The following MSI2 variants were observed in gnomAD, a reference collection of about 807,000 sequenced individuals.
MSI2 encodes RNA-binding protein Musashi homolog 2.
A neutral mutation model predicts 45.6 loss-of-function variants in MSI2; 17 were observed. The observed-to-expected ratio is 0.37, with a 90% CI of 0.26 to 0.56. The LOEUF (loss-of-function observed/expected upper bound fraction) is 0.56. Among genes scored for constraint, MSI2 ranks in the 20% least tolerant of loss-of-function variants. MSI2 has a pLI of 0.77. For missense variants in MSI2, 293 were observed against 444.2 expected (o/e 0.66, Z 3.06); for synonymous variants, 156 against 158.2 (o/e 0.99, Z 0.11).
intron 6 of MSI2, among the ~76,000 whole-genome samples, chr17:57,484,729 T>C (rs1438024497): frequency 6.6e-6 from 1 of 152,182 alleles, no homozygotes; most frequent in African/African-American, 2.4e-5. Context: ...TTCCAGCTTC[T>C]CCAGCCCTGC....
At chr17:57,330,792 G>A (rs1376964341) in intron 5 of MSI2, among the ~76,000 whole-genome samples, 1 of 152,098 alleles carries the variant, frequency 6.6e-6, no homozygotes, top group Non-Finnish European at 1.5e-5. Context: ...CACAGCTGGG[G>A]TGGCACCCTG....
intron 7 of MSI2, among the ~76,000 whole-genome samples, chr17:57,542,113 T>C (rs12601084): frequency 0.39 from 58,848 of 151,968 alleles, 13,148 homozygotes; most frequent in East Asian, 0.73. Flanking sequence ...GTGGGCCGTG[T>C]TTTGTGTGTC....
At chr17:57,307,878 C>T (rs1383705588) in intron 5 of MSI2, among the ~76,000 whole-genome samples, 2 of 152,230 alleles carry the variant, frequency 1.3e-5, no homozygotes, top group Non-Finnish European at 1.5e-5. Context: ...CCTATCATAG[C>T]AGTTGCTTGT....
chr17:57,491,682 T>G (rs1338880758), intron 6 of MSI2, among the ~76,000 whole-genome samples: 1 of 152,148 alleles, frequency 6.6e-6, no homozygotes, highest in Non-Finnish European at 1.5e-5. Context: ...CTGCCAATGC[T>G]CACTTCCAAT....
intron 10 of MSI2, among the ~76,000 whole-genome samples, chr17:57,649,423 C>G (rs1228921348): frequency 6.7e-6 from 1 of 149,474 alleles, no homozygotes; most frequent in Non-Finnish European, 1.5e-5. Context: ...ACAACACATT[C>G]AATACACACA....
intron 6 of MSI2, among the ~76,000 whole-genome samples, chr17:57,525,338 G>T (rs957852749): frequency 1.3e-5 from 2 of 152,180 alleles, no homozygotes; most frequent in Non-Finnish European, 2.9e-5. Flanking sequence ...AGGCTGGAGT[G>T]CAGTGGTGCA....
At chr17:57,637,436 G>A (rs1397856803) in intron 10 of MSI2, among the ~76,000 whole-genome samples, 1 of 152,228 alleles carries the variant, frequency 6.6e-6, no homozygotes, top group East Asian at 1.9e-4. Context: ...TTGCAGAAAT[G>A]AATTGGAGCA....
chr17:57,512,968 C>CTTTTTTTTTT lies in MSI2; in HGVS notation c.406-16700_406-16691dup, dbSNP rs34727727. On this transcript the variant is annotated intron_variant, in intron 6 of 13. Transcript: ENST00000284073. ...ATATTGCACATGAATTAGCTTCTTCCTTTTTTTTTTTTTTTTTCCTTCTGA... is the reference window on the plus strand; with the variant it reads ...ATATTGCACATGAATTAGCTTCTTCCTTTTTTTTTTTTTTTTTTTTTTTTTTTCCTTCTGA... Among the ~76,000 whole-genome samples, 760 of 114,618 alleles carry CTTTTTTTTTT rather than the reference C, an allele frequency of 6.6e-3. 39 individuals carry two copies. The highest frequency in any genetic ancestry group is 9.0e-3 in the Non-Finnish European group (536 of 59,402). The allele number at this position is 114,618 out of a possible 152,430, so 75.2% of individuals were successfully genotyped here. A position where few individuals can be genotyped will look rare whatever the true frequency, so the allele number is the denominator to read the frequency against.
At chr17:57,311,158 G>A (rs866909477) in intron 5 of MSI2, among the ~76,000 whole-genome samples, 4 of 152,194 alleles carry the variant, frequency 2.6e-5, no homozygotes, top group Admixed American at 6.5e-5. Flanking sequence ...CCATCCCACT[G>A]GTGGCTTGTG....
intron 10 of MSI2, among the ~76,000 whole-genome samples, chr17:57,638,107 G>A (rs1341100225): frequency 2.0e-5 from 3 of 152,254 alleles, no homozygotes; most frequent in Non-Finnish European, 4.4e-5. Flanking sequence ...TAGGCAAAGA[G>A]CAGTGCCAGG....
chr17:57,478,682 G>A (rs901013994), intron 6 of MSI2, among the ~76,000 whole-genome samples: 1 of 152,178 alleles, frequency 6.6e-6, no homozygotes, highest in Admixed American at 6.5e-5. Flanking sequence ...GAATCACACA[G>A]TGGTTCTCAG....
At chr17:57,367,321 G>A (rs987784598) in intron 5 of MSI2, among the ~76,000 whole-genome samples, 1 of 152,206 alleles carries the variant, frequency 6.6e-6, no homozygotes, top group African/African-American at 2.4e-5. Context: ...GTTGTATCAG[G>A]AGATACAAGT....
chr17:57,416,005 TGTA>T (rs951769497), intron 6 of MSI2, among the ~76,000 whole-genome samples: 26 of 152,184 alleles, frequency 1.7e-4, no homozygotes, highest in East Asian at 1.3e-3. Flanking sequence ...AAAGAAATGT[TGTA>T]GTAGGAGAAA....
At chr17:57,361,968 T>A (rs562003656) in intron 5 of MSI2, among the ~76,000 whole-genome samples, 1 of 152,354 alleles carries the variant, frequency 6.6e-6, no homozygotes, top group African/African-American at 2.4e-5. Flanking sequence ...ACAAATTATT[T>A]TGGTCAAAAT....
At chr17:57,304,366 A>G (rs1300441780) in intron 5 of MSI2, among the ~76,000 whole-genome samples, 1 of 150,956 alleles carries the variant, frequency 6.6e-6, no homozygotes, top group Non-Finnish European at 1.5e-5. Context: ...CCAAAAAAAA[A>G]AAAAAAGAAA....
chr17:57,615,683 C>T (rs1378889277), intron 8 of MSI2, among the ~76,000 whole-genome samples: 1 of 152,192 alleles, frequency 6.6e-6, no homozygotes, highest in Non-Finnish European at 1.5e-5. Flanking sequence ...ATGCTTTCTG[C>T]ACGAGCGTCA....
chr17:57,288,258 G>A (rs1910099499), intron 5 of MSI2, among the ~76,000 whole-genome samples: 1 of 152,224 alleles, frequency 6.6e-6, no homozygotes, highest in Admixed American at 6.5e-5. Context: ...TCTGTTAGGT[G>A]CTTAGTCAGT....
At chr17:57,491,235 G>A (rs1012508533) in intron 6 of MSI2, among the ~76,000 whole-genome samples, 1 of 152,208 alleles carries the variant, frequency 6.6e-6, no homozygotes, top group Non-Finnish European at 1.5e-5. Context: ...CTGGCTAGAG[G>A]CCTCTCTGAG....
chr17:57,461,637 G>A (rs1285263848), intron 6 of MSI2, among the ~76,000 whole-genome samples: 1 of 151,756 alleles, frequency 6.6e-6, no homozygotes, highest in Non-Finnish European at 1.5e-5. Flanking sequence ...CTGGGTTCAA[G>A]CGATTCTCCT....
Sources: allele counts gnomAD v4.1 joint callset (sites outside exome capture counted in the v4.1 genomes callset), GRCh38; gene constraint gnomAD v4.1.1; transcripts MANE v1.5; gene names NCBI Gene and HGNC (gene_info 2026-07-23, HGNC 2026-07-21).